ATP5MC2: variants seen among roughly 807,000 people sequenced by gnomAD.
The protein encoded by ATP5MC2 is ATP synthase membrane subunit c locus 2, also known as ATP synthase F(0) complex subunit C2, mitochondrial.
Under a neutral mutation model 13.5 loss-of-function variants are expected in ATP5MC2, and 11 were observed. That is an observed-to-expected ratio of 0.81 (90% CI 0.51 to 1.35). ATP5MC2 has a LOEUF of 1.35. Among genes scored for constraint, ATP5MC2 ranks in the 40% most tolerant of loss-of-function variants. The pLI, the probability that ATP5MC2 is intolerant of heterozygous loss-of-function variation, is 0.00. For synonymous variants in ATP5MC2, 64 were observed against 69.7 expected (o/e 0.92, Z 0.41); for missense variants, 132 against 175.0 (o/e 0.75, Z 1.39).
chr12:53,669,367 T>C, intron 3 of ATP5MC2, 26 bp from the exon 4 acceptor site: 1 of 1,597,968 alleles, frequency 6.3e-7, no homozygotes, highest in Non-Finnish European at 8.5e-7. Flanking sequence ...AGGTAGAAGG[T>C]AAAGTTTTTT....
At chr12:53,665,515 C>T in intron 4 of ATP5MC2, 87 bp from the exon 5 acceptor site, 2 of 1,090,430 alleles carry the variant, frequency 1.8e-6, no homozygotes, top group Middle Eastern at 2.0e-4. Context: ...GGAGAATCCC[C>T]CTCTTCAAGA....
upstream of ATP5MC2, among the ~76,000 whole-genome samples, chr12:53,679,035 T>A (rs7963016): frequency 0.3 from 46,303 of 152,008 alleles, 7,201 homozygotes; most frequent in East Asian, 0.36. Flanking sequence ...ATTGACTGGA[T>A]AGGCTAAGAG....
At chr12:53,680,186 A>G (rs1387472890), upstream of ATP5MC2, among the ~76,000 whole-genome samples, 9 of 152,116 alleles carry the variant, frequency 5.9e-5, no homozygotes, top group South Asian at 4.1e-4. Context: ...GGGTTTCACT[A>G]TGTTGCCCAG....
chr12:53,667,995 A>ATATATATATATATATATATAT (rs1944982452), intron 4 of ATP5MC2, among the ~76,000 whole-genome samples: 6 of 86,208 alleles, frequency 7.0e-5, no homozygotes, highest in Non-Finnish European at 1.2e-4. Context: ...ATATATATAT[A>ATATATATATATATATATATAT]AATTTTTTTT....
chr12:53,676,014 T>A, intron 1 of ATP5MC2, 39 bp downstream of exon 1: 1 of 1,601,316 alleles, frequency 6.2e-7, no homozygotes, highest in Non-Finnish European at 8.5e-7. Context: ...CCCGCGCGCG[T>A]GCGCAGCGCA....
At chr12:53,666,666 A>AGGC (rs1490375856) in intron 4 of ATP5MC2, among the ~76,000 whole-genome samples, 1 of 151,974 alleles carries the variant, frequency 6.6e-6, no homozygotes, top group Non-Finnish European at 1.5e-5. Context: ...AGGCTGAGGC[A>AGGC]AGAGAATTGC....
chr12:53,667,382 G>A (rs2138016531), intron 4 of ATP5MC2, among the ~76,000 whole-genome samples: 1 of 152,284 alleles, frequency 6.6e-6, no homozygotes, highest in Admixed American at 6.5e-5. Context: ...TGAGTCTCTA[G>A]AACAGGGAAG....
chr12:53,671,444 T>G (rs1236133370), intron 2 of ATP5MC2, among the ~76,000 whole-genome samples: 3 of 152,238 alleles, frequency 2.0e-5, no homozygotes, highest in African/African-American at 7.2e-5. Context: ...CTCTAGCTAC[T>G]ATTTCAAAAA....
upstream of ATP5MC2, among the ~76,000 whole-genome samples, chr12:53,679,644 A>G (rs964860311): frequency 2.0e-5 from 3 of 152,352 alleles, no homozygotes; most frequent in South Asian, 4.1e-4. Context: ...CTGCAAGTTA[A>G]AGTGGAAACT....
At chr12:53,672,938 G>C (rs1037501077) in intron 1 of ATP5MC2, 22 of 295,112 alleles carry the variant, frequency 7.5e-5, no homozygotes, top group African/African-American at 4.9e-4. Context: ...GTTGCCACAG[G>C]AATTTTCCCA....
chr12:53,670,776 C>CCA (rs924448952), intron 2 of ATP5MC2, among the ~76,000 whole-genome samples: 1 of 151,902 alleles, frequency 6.6e-6, no homozygotes, highest in Non-Finnish European at 1.5e-5. Context: ...GCGCCGGCAA[C>CCA]CACGCCCAGC....
intron 2 of ATP5MC2, among the ~76,000 whole-genome samples, chr12:53,671,707 C>A (rs1208157153): frequency 1.3e-5 from 2 of 152,190 alleles, no homozygotes; most frequent in African/African-American, 4.8e-5. Context: ...ATTCTCATCT[C>A]TATTCTTCTC....
At chr12:53,675,978 C>G in intron 1 of ATP5MC2, 75 bp downstream of exon 1, 1 of 1,573,936 alleles carries the variant, frequency 6.4e-7, no homozygotes, top group Non-Finnish European at 8.6e-7. Context: ...GTAAGCGCCT[C>G]AAAGCATCCG....
chr12:53,676,072 GAC>G lies in ATP5MC2; in HGVS notation c.-53_-52del. 1 of 1,614,186 alleles carries G rather than the reference GAC, an allele frequency of 6.2e-7. No individual in the cohort carries two copies. Among genetic ancestry groups the G allele is most frequent in the Non-Finnish European group, 8.5e-7 (1 of 1,180,038 alleles). On this transcript the variant is annotated 5_prime_UTR_variant, in exon 1 of 5. Coordinates refer to ENST00000394349, the MANE Select transcript of ATP5MC2 (RefSeq NM_005176.7). ...CCTTACCTGCTCCCACTGCAGAGAAGACAGAGAGGGGCGGAGCAGCGGGAAGA... is the reference window on the plus strand; with the variant it reads ...CCTTACCTGCTCCCACTGCAGAGAAGAGAGAGGGGCGGAGCAGCGGGAAGA...
chr12:53,668,634 C>T (rs1945003938), intron 4 of ATP5MC2, among the ~76,000 whole-genome samples: 1 of 152,106 alleles, frequency 6.6e-6, no homozygotes, highest in African/African-American at 2.4e-5. Context: ...AATATGGTAG[C>T]CTCTAGCCAC....
chr12:53,668,289 A>G (rs1018500681), intron 4 of ATP5MC2, among the ~76,000 whole-genome samples: 5 of 148,176 alleles, frequency 3.4e-5, no homozygotes, highest in Non-Finnish European at 6.0e-5. Context: ...CGCCCAGCCT[A>G]TATTTGTTTT....
intron 1 of ATP5MC2, among the ~76,000 whole-genome samples, chr12:53,675,507 T>C (rs1045742977): frequency 2.6e-5 from 4 of 152,116 alleles, no homozygotes; most frequent in Non-Finnish European, 5.9e-5. Flanking sequence ...CGGGAGGCGA[T>C]GTTTTGGCTT....
chr12:53,667,078 T>C (rs1189676228), intron 4 of ATP5MC2, among the ~76,000 whole-genome samples: 2 of 152,204 alleles, frequency 1.3e-5, no homozygotes, highest in Non-Finnish European at 2.9e-5. Flanking sequence ...CCAGAAGTCT[T>C]GATGGGTAAG....
Position 53,669,306 on chromosome 12 carries a change from G to A in ATP5MC2, c.153C>T (p.Thr51=). ...GGAAGCTGCGGCTAGAGACAAGTGA[G>A]GTAAGGGGACATGAGACTGCCAAGC... ...LSSLAVSCPL[T]SLVSSRSFQT... The change falls in exon 4 of 5, where the codon ACC becomes ACT. Residue 51 remains threonine, a synonymous_variant. Transcript: ENST00000394349. The A allele has an allele frequency of 6.2e-7, 1 of 1,614,090 alleles. No individual in the cohort carries two copies. Among genetic ancestry groups the A allele is most frequent in the Non-Finnish European group, 8.5e-7 (1 of 1,179,994 alleles).
Sources: gnomAD v4.1 joint callset for allele counts (sites outside exome capture counted in the v4.1 genomes callset) on GRCh38, gnomAD v4.1.1 for gene constraint, MANE v1.5 for transcripts, NCBI Gene and HGNC (gene_info 2026-07-23, HGNC 2026-07-21) for gene names.